Variants in CNOT6L observed in about 807,000 individuals in gnomAD.
CNOT6L encodes CCR4-NOT transcription complex subunit 6 like, also known as CCR4-NOT transcription complex subunit 6-like.
In CNOT6L, 7 loss-of-function variants were observed where a neutral mutation model predicts 64.0. The observed-to-expected ratio is 0.11, with a 90% CI of 0.06 to 0.21. CNOT6L has a LOEUF of 0.21. CNOT6L is among the 10% of genes least tolerant of loss of function. CNOT6L has a pLI of 1.00. For synonymous variants in CNOT6L, 193 were observed against 243.4 expected, an observed-to-expected ratio of 0.79 and a Z score of 1.93; for missense variants, 245 against 669.0, an observed-to-expected ratio of 0.37 and a Z score of 6.99.
rs754195745 is a variant in CNOT6L at position 77,760,860 on chromosome 4, C to CTTT, written c.401-3912_401-3910dup. Reference sequence around the variant, plus strand: ...TACAGGTGCACACCACCATGCCTGGCTTTTTTTTTTTTTTTTTTTTTTTTT... The same window carrying CTTT: ...TACAGGTGCACACCACCATGCCTGGCTTTTTTTTTTTTTTTTTTTTTTTTTTTT... On this transcript the variant is annotated intron_variant, in intron 4 of 11. Transcript: ENST00000504123. Among the ~76,000 whole-genome samples, 10 of 29,978 alleles carry CTTT rather than the reference C, an allele frequency of 3.3e-4. 1 individual carries two copies. The highest frequency in any genetic ancestry group is 7.1e-4 in the African/African-American group (5 of 7,008). The allele number at this position is 29,978 out of a possible 152,430, so 19.7% of individuals were successfully genotyped here. A position where few individuals can be genotyped will look rare whatever the true frequency, so the allele number is the denominator to read the frequency against.
At chr4:77,768,191 G>A (rs975193406) in intron 4 of CNOT6L, among the ~76,000 whole-genome samples, 11 of 151,850 alleles carry the variant, frequency 7.2e-5, no homozygotes, top group Middle Eastern at 3.4e-3. Flanking sequence ...CTGGCAGGGC[G>A]TGGTGGCTCA....
At position 77,815,018 on chromosome 4, in the gene CNOT6L, GTATTAATTT is replaced by G. The variant is rs553809839; in HGVS notation, c.5+4277_5+4285del. On this transcript the variant is annotated intron_variant, in intron 1 of 11. Transcript: ENST00000504123. The stretch of plus-strand genomic sequence containing the variant: ...GGTCTTTCTGGGTTAAGGCTCACAT[GTATTAATTT>G]TAATAACTTTAGAATTATAAAAACT... 3.9e-5 allele frequency among the ~76,000 whole-genome samples: 6 copies of G among 152,246 alleles called. No homozygotes were observed. In the East Asian group the frequency reaches 1.2e-3, roughly 29 times the overall value.
At chr4:77,807,276 C>CAAAAAAAAAAAAAAAAA (rs58452605) in intron 1 of CNOT6L, among the ~76,000 whole-genome samples, 6 of 108,222 alleles carry the variant, frequency 5.5e-5, no homozygotes, top group African/African-American at 2.7e-4. Flanking sequence ...GACTCCATCT[C>CAAAAAAAAAAAAAAAAA]AAAAAAAAAA....
intron 1 of CNOT6L, among the ~76,000 whole-genome samples, chr4:77,792,455 G>A (rs1036564431): frequency 6.2e-4 from 95 of 152,290 alleles, no homozygotes; most frequent in African/African-American, 1.9e-3. Flanking sequence ...AGGCCAGGCA[G>A]TGGTTCACAC....
chr4:77,812,886 AAG>A (rs1319889105), intron 1 of CNOT6L, among the ~76,000 whole-genome samples: 3 of 152,162 alleles, frequency 2.0e-5, no homozygotes, highest in East Asian at 1.9e-4. Context: ...AAAAGAAAAA[AAG>A]AGTTTTTCAT....
intron 1 of CNOT6L, among the ~76,000 whole-genome samples, chr4:77,804,369 T>C (rs1194186393): frequency 1.3e-5 from 2 of 149,056 alleles, no homozygotes; most frequent in African/African-American, 5.0e-5. Flanking sequence ...GCGGAGGCTG[T>C]GGTGAACCGG....
chr4:77,781,193 A>G (rs2110081237), intron 1 of CNOT6L, among the ~76,000 whole-genome samples: 1 of 152,196 alleles, frequency 6.6e-6, no homozygotes, highest in East Asian at 1.9e-4. Flanking sequence ...GGTAGGGGGC[A>G]AGGGGAGGGA....
intron 1 of CNOT6L, among the ~76,000 whole-genome samples, chr4:77,797,102 CAAAA>C (rs386400560): frequency 5.7e-5 from 3 of 52,988 alleles, no homozygotes; most frequent in Non-Finnish European, 9.3e-5. Flanking sequence ...GACCTTGTCT[CAAAA>C]AAAAAAAAAA....
intron 1 of CNOT6L, among the ~76,000 whole-genome samples, chr4:77,809,435 G>A (rs1732644722): frequency 6.6e-6 from 1 of 151,996 alleles, no homozygotes; most frequent in Non-Finnish European, 1.5e-5. Flanking sequence ...TAATTAACAG[G>A]TTATATTTTG....
intron 4 of CNOT6L, among the ~76,000 whole-genome samples, chr4:77,764,790 A>C (rs1726638914): frequency 6.6e-6 from 1 of 152,196 alleles, no homozygotes; most frequent in African/African-American, 2.4e-5. Flanking sequence ...AGAGACCCTA[A>C]AAGTTAGAAA....
At chr4:77,729,109 C>A in intron 9 of CNOT6L, 28 bp from the exon 10 acceptor site, 3 of 1,545,562 alleles carry the variant, frequency 1.9e-6, no homozygotes, top group South Asian at 1.1e-5. Flanking sequence ...AAAAAGAAGA[C>A]AAAGTTATGC....
At chr4:77,793,436 T>C (rs2110115859) in intron 1 of CNOT6L, among the ~76,000 whole-genome samples, 1 of 152,306 alleles carries the variant, frequency 6.6e-6, no homozygotes, top group East Asian at 1.9e-4. Context: ...GCTTTAATTA[T>C]CTTTATTTTA....
chr4:77,819,042 CA>C (rs1005736036), intron 1 of CNOT6L: 5 of 550,756 alleles, frequency 9.1e-6, no homozygotes, highest in Admixed American at 2.8e-5. Context: ...GGCCCCGGGC[CA>C]CCCCCGACAC....
chr4:77,811,774 C>T (rs914655498), intron 1 of CNOT6L, among the ~76,000 whole-genome samples: 1 of 151,812 alleles, frequency 6.6e-6, no homozygotes, highest in African/African-American at 2.4e-5. Context: ...AGGAAATGAA[C>T]TTCCTCAACC....
upstream of CNOT6L, among the ~76,000 whole-genome samples, chr4:77,819,849 G>A (rs1267126319): frequency 2.0e-5 from 3 of 151,512 alleles, no homozygotes; most frequent in Non-Finnish European, 4.4e-5. Flanking sequence ...GACAGACCGG[G>A]GGTCGGGAAG....
At chr4:77,798,604 G>A (rs1018295463) in intron 1 of CNOT6L, among the ~76,000 whole-genome samples, 6 of 152,068 alleles carry the variant, frequency 3.9e-5, no homozygotes, top group African/African-American at 7.2e-5. Context: ...TTAAAAAACC[G>A]AGCCAAGAAA....
At chr4:77,728,219 T>C (rs898909884) in intron 10 of CNOT6L, among the ~76,000 whole-genome samples, 1 of 152,222 alleles carries the variant, frequency 6.6e-6, no homozygotes, top group Non-Finnish European at 1.5e-5. Flanking sequence ...ATTTAATGAA[T>C]TCACTTAAAA....
chr4:77,807,691 G>A (rs1269204852), intron 1 of CNOT6L, among the ~76,000 whole-genome samples: 3 of 152,092 alleles, frequency 2.0e-5, no homozygotes, highest in Non-Finnish European at 2.9e-5. Context: ...TAACAAATAC[G>A]AAAACTAGAA....
chr4:77,784,229 A>G (rs1421788797), intron 1 of CNOT6L, among the ~76,000 whole-genome samples: 1 of 152,212 alleles, frequency 6.6e-6, no homozygotes, highest in Non-Finnish European at 1.5e-5. Flanking sequence ...GATACAAGAC[A>G]ACAGCAGCAG....
Sources: gnomAD v4.1 joint callset for allele counts (sites outside exome capture counted in the v4.1 genomes callset) on GRCh38, gnomAD v4.1.1 for gene constraint, MANE v1.5 for transcripts, NCBI Gene and HGNC (gene_info 2026-07-23, HGNC 2026-07-21) for gene names.